Variants in NPEPL1 observed in about 807,000 individuals in gnomAD.
NPEPL1 encodes probable aminopeptidase NPEPL1.
In NPEPL1, 45 loss-of-function variants were observed where a neutral mutation model predicts 52.4. The ratio of observed to expected loss-of-function variants is 0.86; its 90% confidence interval spans 0.68 to 1.10. The LOEUF is 1.10. Among genes scored for constraint, NPEPL1 ranks in the 50% least tolerant of loss-of-function variants. The probability of loss-of-function intolerance (pLI) is 0.00; values close to 1 mark genes in which losing one functional copy is unlikely to be tolerated. For missense variants in NPEPL1, 696 were observed against 710.9 expected, an observed-to-expected ratio of 0.98 and a Z score of 0.24; for synonymous variants, 360 against 314.7, an observed-to-expected ratio of 1.14 and a Z score of -1.52.
intron 6 of NPEPL1, chr20:58,703,356 C>T (rs2084671931): frequency 2.0e-6 from 1 of 508,404 alleles, no homozygotes; most frequent in South Asian, 8.4e-5. Flanking sequence ...TTCAGAGATA[C>T]CGGCACACGG....
rs1205549663 is a variant in NPEPL1 at position 58,713,443 on chromosome 20, A to T, written c.1025A>T (p.Asp342Val). The T allele has an allele frequency of 6.2e-7, 1 of 1,609,450 alleles. No homozygotes were observed. The highest frequency in any genetic ancestry group is 2.2e-5 in the East Asian group (1 of 44,712). ...AGGACGGTGGAAATCAACAACACGG[A>T]TGCCGAGGGCAGGCTGGTGCTGGCA... ...SGKTVEINNTDAEGRLVLADG... is the reference protein window; with the variant it reads ...SGKTVEINNTVAEGRLVLADG... Residue 342 changes from aspartate (D) to valine (V), a missense_variant, in exon 9 of 12, where the codon GAT (aspartate) becomes GTT (valine). Physicochemically the swap from Asp to Val is radical, Grantham distance 152 (BLOSUM62 -3). Transcript: ENST00000356091. This position sits in a 1 kb window ranked among gnomAD's most constrained non-coding sequence, Gnocchi z 4.6.
In NPEPL1 at chr20:58,698,768, C is replaced by T. The variant is rs1376097191; in HGVS notation, c.592C>T (p.Leu198Phe). ...PCNEMNTDTF[L>F]EEINKVGKEL... is the part of the protein sequence containing the mutation. ...CAATGAGATGAACACCGACACCTTC[C>T]TCGAGGTTTGTGGCGTCATCAGGCC... Residue 198 changes from leucine (L) to phenylalanine (F), a missense_variant, in exon 4 of 12, where the codon CTC becomes TTC. Leu to Phe is a conservative substitution (Grantham distance 22, BLOSUM62 0). Coordinates refer to ENST00000356091, the MANE Select transcript of NPEPL1 (RefSeq NM_024663.4). 6.2e-7 allele frequency: 1 copy of T among 1,612,252 alleles called. No homozygotes were observed. The highest frequency in any genetic ancestry group is 8.5e-7 in the Non-Finnish European group (1 of 1,179,716).
At chr20:58,691,845 CTT>C, upstream of NPEPL1, 1 of 1,515,316 alleles carries the variant, frequency 6.6e-7, no homozygotes, top group Non-Finnish European at 9.0e-7. Context: ...CAGATTTTTG[CTT>C]TTAAATGACT....
intron 6 of NPEPL1, among the ~76,000 whole-genome samples, chr20:58,706,839 C>T (rs1240973688): frequency 6.6e-6 from 1 of 152,228 alleles, no homozygotes; most frequent in Non-Finnish European, 1.5e-5. Flanking sequence ...CGGGTTCCCC[C>T]TCCGTGCAGT....
chr20:58,709,082 G>A (rs549961089), intron 7 of NPEPL1, among the ~76,000 whole-genome samples: 83 of 151,774 alleles, frequency 5.5e-4, no homozygotes, highest in African/African-American at 1.9e-3. Context: ...CAGCAGCCGT[G>A]AGTGTTCTCA....
chr20:58,699,309 G>C lies in NPEPL1; in HGVS notation c.679+31G>C, dbSNP rs759034367. ...TGGGGGCTGCATCCCTGCAGCTCTT[G>C]GCCTCGGGCAGTGGCCAGGGGCACT... On this transcript the variant is annotated intron_variant, in intron 5 of 11. Coordinates refer to ENST00000356091, the MANE Select transcript of NPEPL1 (RefSeq NM_024663.4). 1.1e-5 allele frequency: 17 copies of C among 1,564,654 alleles called. No homozygotes were observed. In the South Asian group the frequency reaches 1.7e-4, roughly 15 times the overall value.
rs112371661 is a variant in NPEPL1 at position 58,695,835 on chromosome 20, T to C, written c.507+1243T>C. Among the ~76,000 whole-genome samples the C allele has an allele frequency of 1.2e-4, 19 of 152,288 alleles. 1 individual carries two copies. Among genetic ancestry groups the C allele is most frequent in the African/African-American group, 4.3e-4 (18 of 41,554 alleles). ...CCCTCTTAACCCATGGAGACAGAGT[T>C]TTTGCCCCCATCCTGACATTGTTTT... On this transcript the variant is annotated intron_variant, in intron 3 of 11. Transcript: ENST00000356091.
chr20:58,695,431 G>C (rs73124361), intron 3 of NPEPL1, among the ~76,000 whole-genome samples: 18,887 of 151,404 alleles, frequency 0.12, 1,285 homozygotes, highest in African/African-American at 0.15. Context: ...CTGCAAGGCC[G>C]GAAGTGATTT....
At chr20:58,696,143 C>T (rs1014781385) in intron 3 of NPEPL1, among the ~76,000 whole-genome samples, 4 of 152,224 alleles carry the variant, frequency 2.6e-5, no homozygotes, top group East Asian at 3.9e-4. Context: ...CCCTTATTTC[C>T]GAGGACAGCA....
rs199847185 is a variant in NPEPL1 at position 58,703,026 on chromosome 20, C to G, written c.822+1868C>G. On this transcript the variant is annotated intron_variant, in intron 6 of 11. Coordinates refer to ENST00000356091, the MANE Select transcript of NPEPL1 (RefSeq NM_024663.4). ...TTCCGCGTCTTCGTTTTGACCATCC[C>G]GCACTCTCGTGTTTTATTTTGGGTC... 1.2e-4 allele frequency among the ~76,000 whole-genome samples: 19 copies of G among 152,266 alleles called. No individual in the cohort carries two copies. In the East Asian group the frequency reaches 3.5e-3, roughly 28 times the overall value.
At position 58,693,033 on chromosome 20, in the gene NPEPL1, C is replaced by T. The variant is rs2084386435; in HGVS notation, c.133C>T (p.Pro45Ser). The T allele has an allele frequency of 9.5e-7, 1 of 1,057,834 alleles. No homozygotes were observed. The highest frequency in any genetic ancestry group is 1.1e-6 in the Non-Finnish European group (1 of 873,354). 65.5% of individuals were successfully genotyped at this position (1,057,834 alleles called of 1,614,324 possible). Residue 45 changes from proline (P) to serine (S), a missense_variant, in exon 1 of 12, where the codon CCC (proline) becomes TCC (serine). Coordinates refer to ENST00000356091, the MANE Select transcript of NPEPL1 (RefSeq NM_024663.4). ...GAGCCACGTCCGCGGGAAGCTGCAG[C>T]CCCGGGTCACCGAGGAGGTGAGCGG... ...PWSHVRGKLQ[P>S]RVTEELWQAA...
chr20:58,704,123 T>C (rs2084691265), intron 6 of NPEPL1: 2 of 985,300 alleles, frequency 2.0e-6, no homozygotes, highest in Non-Finnish European at 2.4e-6. Flanking sequence ...ACCCCAATCC[T>C]GACCTGAAGG....
upstream of NPEPL1, chr20:58,691,303 G>A (rs1032053747): frequency 2.0e-5 from 12 of 599,590 alleles, no homozygotes; most frequent in Admixed American, 8.5e-5. Flanking sequence ...TCCAATTAGC[G>A]TTGACTTTTA....
intron 6 of NPEPL1, among the ~76,000 whole-genome samples, chr20:58,702,733 A>ACTAT (rs1430326361): frequency 7.2e-5 from 11 of 152,220 alleles, no homozygotes; most frequent in East Asian, 1.9e-4. Context: ...GTCCAAGAAT[A>ACTAT]CTATCTGTTA....
At position 58,713,891 on chromosome 20, in the gene NPEPL1, C is replaced by G. The variant is rs368484537; in HGVS notation, c.1126-26C>G. 1.4e-6 allele frequency: 2 copies of G among 1,442,506 alleles called. No individual in the cohort carries two copies. The highest frequency in any genetic ancestry group is 1.8e-6 in the Non-Finnish European group (2 of 1,101,106). 89.4% of individuals were successfully genotyped at this position (1,442,506 alleles called of 1,614,324 possible). A position where few individuals can be genotyped will look rare whatever the true frequency, so the allele number is the denominator to read the frequency against. On this transcript the variant is annotated intron_variant, in intron 9 of 11. Transcript: ENST00000356091. This position sits in a 1 kb window ranked among gnomAD's most constrained non-coding sequence, Gnocchi z 4.6. ...TTTCTCTCCTGCCGTCCCGTCCACA[C>G]GCTTCCCGGGTTCCTGCCCGCCCAG...
At chr20:58,707,843 G>C (rs116064266) in intron 7 of NPEPL1, among the ~76,000 whole-genome samples, 6 of 152,160 alleles carry the variant, frequency 3.9e-5, no homozygotes, top group South Asian at 2.1e-4. Flanking sequence ...TTTGGGAGGC[G>C]GAGGCAGGAG....
chr20:58,713,687 C>T lies in NPEPL1; in HGVS notation c.1125+144C>T, dbSNP rs1478244783. On this transcript the variant is annotated intron_variant, in intron 9 of 11. Coordinates refer to ENST00000356091, the MANE Select transcript of NPEPL1 (RefSeq NM_024663.4). The surrounding 1 kb of genome is among the most constrained non-coding windows in gnomAD (Gnocchi z 4.6). ...GCACGAGGAGGCAGGAGGAGCTGCC[C>T]GTCAAGCTTGGTGTGGGCAGTACCG... 9.4e-6 allele frequency: 12 copies of T among 1,280,568 alleles called. No individual in the cohort carries two copies. The highest frequency in any genetic ancestry group is 4.4e-4 in the Middle Eastern group (2 of 4,556). 79.3% of individuals were successfully genotyped at this position (1,280,568 alleles called of 1,614,324 possible). A position where few individuals can be genotyped will look rare whatever the true frequency, so the allele number is the denominator to read the frequency against.
upstream of NPEPL1, among the ~76,000 whole-genome samples, chr20:58,690,058 C>G (rs1268851033): frequency 6.6e-6 from 1 of 152,190 alleles, no homozygotes; most frequent in Admixed American, 6.5e-5. Flanking sequence ...GGGGTGAAGT[C>G]TGACATGAAA....
At chr20:58,695,882 G>C (rs960443077) in intron 3 of NPEPL1, among the ~76,000 whole-genome samples, 1 of 152,176 alleles carries the variant, frequency 6.6e-6, no homozygotes, top group African/African-American at 2.4e-5. Context: ...TGGATGGGGT[G>C]TTGCCGTCCC....
Sources: allele counts gnomAD v4.1 joint callset (sites outside exome capture counted in the v4.1 genomes callset), GRCh38; gene constraint gnomAD v4.1.1; non-coding constraint Gnocchi (gnomAD v3.1); transcripts MANE v1.5; gene names NCBI Gene and HGNC (gene_info 2026-07-23, HGNC 2026-07-21).